ESRRG: variants seen among roughly 807,000 people sequenced by gnomAD.
ESRRG encodes estrogen related receptor gamma.
ESRRG carries 13 observed loss-of-function variants against 44.0 expected under a neutral mutation model. The observed-to-expected ratio is 0.30, with a 90% CI of 0.19 to 0.47. The LOEUF (loss-of-function observed/expected upper bound fraction) is 0.47. ESRRG is among the 20% of genes least tolerant of loss of function. The pLI is 1.00. For missense variants in ESRRG, 395 were observed against 580.6 expected, an observed-to-expected ratio of 0.68 and a Z score of 3.29; for synonymous variants, 215 against 214.6, an observed-to-expected ratio of 1.00 and a Z score of -0.02.
chr1:216,910,959 C>T (rs1040240067), intron 2 of ESRRG, among the ~76,000 whole-genome samples: 2 of 152,154 alleles, frequency 1.3e-5, no homozygotes, highest in African/African-American at 4.8e-5. Context: ...GTCCATACAT[C>T]TGTTACTTTA....
chr1:216,830,914 A>G (rs972432221), intron 2 of ESRRG, among the ~76,000 whole-genome samples: 1 of 152,114 alleles, frequency 6.6e-6, no homozygotes, highest in Non-Finnish European at 1.5e-5. Context: ...GTAAACTGAA[A>G]TGTCATAATA....
chr1:217,102,985 G>A (rs1023329437), intron 1 of ESRRG, among the ~76,000 whole-genome samples: 2 of 152,150 alleles, frequency 1.3e-5, no homozygotes, highest in African/African-American at 4.8e-5. Flanking sequence ...CTTGGCAGAG[G>A]GGAAATATGA....
rs2150422529 is a variant in ESRRG, at chr1:216,618,717, A to C, written c.589+32256T>G. The stretch of plus-strand genomic sequence containing the variant: ...TTTTCCTAATCCAGGGGAGAGCATA[A>C]ACCTCAAAAAAAATGGTGTGATTTG... On this transcript the variant is annotated intron_variant, in intron 3 of 6. Coordinates refer to ENST00000408911, the MANE Select transcript of ESRRG (RefSeq NM_001438.4). 1.3e-5 allele frequency among the ~76,000 whole-genome samples: 2 copies of C among 152,336 alleles called. 1 individual carries two copies. The highest frequency in any genetic ancestry group is 4.8e-5 in the African/African-American group (2 of 41,584).
chr1:216,827,533 G>A (rs776916014), intron 2 of ESRRG, among the ~76,000 whole-genome samples: 9 of 152,064 alleles, frequency 5.9e-5, no homozygotes, highest in African/African-American at 1.7e-4. Flanking sequence ...CTATGTCTTC[G>A]TATGCAAGTG....
intron 3 of ESRRG, among the ~76,000 whole-genome samples, chr1:216,645,584 G>C (rs2067363512): frequency 2.0e-5 from 3 of 151,998 alleles, no homozygotes; most frequent in South Asian, 2.1e-4. Flanking sequence ...AAAAACTAAA[G>C]CGTAGGCCCA....
chr1:216,726,328 A>AT (rs113933934), upstream of ESRRG, among the ~76,000 whole-genome samples: 9,357 of 152,254 alleles, frequency 0.061, 361 homozygotes, highest in African/African-American at 0.091. Context: ...CCAATTTAAA[A>AT]TTTTTAAAAA....
chr1:216,830,329 C>A (rs147223613), intron 2 of ESRRG, among the ~76,000 whole-genome samples: 5 of 152,216 alleles, frequency 3.3e-5, no homozygotes, highest in Non-Finnish European at 7.4e-5. Context: ...AAGTCGAGAA[C>A]GAAGTAATCC....
intron 2 of ESRRG, among the ~76,000 whole-genome samples, chr1:216,781,581 A>G (rs774995981): frequency 2.0e-5 from 3 of 152,054 alleles, no homozygotes; most frequent in Non-Finnish European, 4.4e-5. Context: ...AAGAGAGCTT[A>G]TATCTTAGTG....
chr1:216,639,467 G>A (rs1372668483), intron 3 of ESRRG, among the ~76,000 whole-genome samples: 1 of 152,130 alleles, frequency 6.6e-6, no homozygotes, highest in African/African-American at 2.4e-5. Flanking sequence ...CAGGGAAAAC[G>A]GACTTGACCT....
At chr1:217,056,028 A>C (rs1178548026) in intron 1 of ESRRG, among the ~76,000 whole-genome samples, 3 of 152,108 alleles carry the variant, frequency 2.0e-5, no homozygotes, top group Admixed American at 2.0e-4. Context: ...GGTCTACATG[A>C]TGGAACTCTG....
chr1:216,626,537 C>G (rs1355208291), intron 3 of ESRRG, among the ~76,000 whole-genome samples: 2 of 152,200 alleles, frequency 1.3e-5, no homozygotes, highest in Non-Finnish European at 2.9e-5. Flanking sequence ...ACCTTCTCCC[C>G]TTTCACTCCC....
chr1:216,595,822 A>T (rs1366739825), intron 3 of ESRRG, among the ~76,000 whole-genome samples: 1 of 152,252 alleles, frequency 6.6e-6, no homozygotes, highest in Non-Finnish European at 1.5e-5. Flanking sequence ...AAAACACAGC[A>T]TCAATAGCAT....
intron 2 of ESRRG, among the ~76,000 whole-genome samples, chr1:216,939,336 A>AT (rs2064730809): frequency 8.6e-6 from 1 of 115,818 alleles, no homozygotes; most frequent in South Asian, 3.4e-4. Context: ...AATATCCTAC[A>AT]CATAGACAAA....
intron 2 of ESRRG, among the ~76,000 whole-genome samples, chr1:216,847,824 A>G (rs2095780216): frequency 6.6e-6 from 1 of 152,126 alleles, no homozygotes; most frequent in African/African-American, 2.4e-5. Context: ...GGCAAGAAAC[A>G]CAGTGGCGGT....
At chr1:217,103,825 C>A (rs137888210) in intron 1 of ESRRG, among the ~76,000 whole-genome samples, 1 of 152,140 alleles carries the variant, frequency 6.6e-6, no homozygotes, top group Non-Finnish European at 1.5e-5. Flanking sequence ...AGCATTAAGG[C>A]CCTGAGGTGT....
In ESRRG at chr1:216,882,105, A is replaced by G. The variant is rs573420821; in HGVS notation, c.-14+57477T>C. 2.1e-3 allele frequency among the ~76,000 whole-genome samples: 326 copies of G among 152,280 alleles called. 2 individuals carry two copies. Among genetic ancestry groups the G allele is most frequent in the African/African-American group, 7.6e-3 (314 of 41,558 alleles). ...TAGCCCTCACAACCACGTTATGGGC[A>G]GGTGGGCATTATAATTATAACCACC... On this transcript the variant is annotated intron_variant, in intron 2 of 7. Transcript: ENST00000359162.
chr1:216,852,407 G>A (rs2095855899), intron 2 of ESRRG, among the ~76,000 whole-genome samples: 1 of 152,130 alleles, frequency 6.6e-6, no homozygotes. Context: ...AGCAACTGAA[G>A]ACATAAACAA....
rs769882782 is a variant in ESRRG, at chr1:216,622,608, T to TCACACACACACA, written c.589+28364_589+28365insTGTGTGTGTGTG. On this transcript the variant is annotated intron_variant, in intron 3 of 6. Transcript: ENST00000408911. ...AGCTCCAATGGAAAACAAATGAAAA[T>TCACACACACACA]TACACACACGCACACACACACACAC... Among the ~76,000 whole-genome samples the TCACACACACACA allele has an allele frequency of 3.0e-3, 416 of 136,932 alleles. 5 individuals carry two copies. The highest frequency in any genetic ancestry group is 6.0e-3 in the Admixed American group (85 of 14,202). 89.8% of individuals were successfully genotyped at this position (136,932 alleles called of 152,430 possible). A position where few individuals can be genotyped will look rare whatever the true frequency, so the allele number is the denominator to read the frequency against.
intron 1 of ESRRG, among the ~76,000 whole-genome samples, chr1:217,069,760 A>G (rs1327567784): frequency 1.3e-5 from 2 of 152,178 alleles, no homozygotes; most frequent in Non-Finnish European, 2.9e-5. Flanking sequence ...AGCAGCAGGC[A>G]ACTCTCTAGG....
Sources: gnomAD v4.1 joint callset for allele counts (sites outside exome capture counted in the v4.1 genomes callset) on GRCh38, gnomAD v4.1.1 for gene constraint, MANE v1.5 for transcripts, NCBI Gene and HGNC (gene_info 2026-07-23, HGNC 2026-07-21) for gene names.